SCN11A: variants seen among roughly 807,000 people sequenced by gnomAD.
The protein encoded by SCN11A is sodium channel protein type 11 subunit alpha.
In SCN11A, 122 loss-of-function variants were observed where a neutral mutation model predicts 162.2. That is an observed-to-expected ratio of 0.75 (90% CI 0.65 to 0.87). The LOEUF is 0.87. SCN11A is among the 40% of genes least tolerant of loss of function. The pLI, the probability that SCN11A is intolerant of heterozygous loss-of-function variation, is 0.00. For missense variants in SCN11A, 2,015 were observed against 2,181.6 expected, an observed-to-expected ratio of 0.92 and a Z score of 1.52; for synonymous variants, 758 against 751.5, an observed-to-expected ratio of 1.01 and a Z score of -0.14.
At chr3:38,904,292 T>C (rs544388446) in intron 15 of SCN11A, among the ~76,000 whole-genome samples, 189 bp from the exon 16 acceptor site, 1 of 152,276 alleles carries the variant, frequency 6.6e-6, no homozygotes, top group African/African-American at 2.4e-5. Flanking sequence ...ATGTTCCACA[T>C]ACAACTAGCA....
chr3:39,032,263 A>G (rs572595899), intron 2 of SCN11A, among the ~76,000 whole-genome samples, 117 bp downstream of exon 2: 1 of 152,340 alleles, frequency 6.6e-6, no homozygotes, highest in Admixed American at 6.5e-5. Context: ...TTAACATATT[A>G]ATCACTAACA....
At chr3:38,913,492 A>C (rs1331267046) in intron 11 of SCN11A, among the ~76,000 whole-genome samples, 1 of 151,938 alleles carries the variant, frequency 6.6e-6, no homozygotes, top group Non-Finnish European at 1.5e-5. Flanking sequence ...AGAAGCTCTT[A>C]AGTTTAGTTA....
Position 38,974,418 on chromosome 3 carries a change from G to A in SCN11A, c.-279-13995C>T, listed in dbSNP as rs140525870. Among the ~76,000 whole-genome samples the A allele has an allele frequency of 1.3e-3, 193 of 152,012 alleles. 4 individuals are homozygous for A. In the East Asian group the frequency reaches 0.036, roughly 28 times the overall value. ...AATTAAGAAGGCCTAATTCAAGGCC[G>A]GGCGCAGTGGCTCATGCCTATAATC... On this transcript the variant is annotated intron_variant, in intron 2 of 29. Transcript: ENST00000302328.
chr3:39,012,552 C>T (rs2031176638), intron 2 of SCN11A, among the ~76,000 whole-genome samples: 1 of 147,486 alleles, frequency 6.8e-6, no homozygotes, highest in Non-Finnish European at 1.5e-5. Context: ...GCTATCTTGG[C>T]TCACTGAAGG....
At chr3:38,873,391 G>C (rs1159048705) in intron 23 of SCN11A, among the ~76,000 whole-genome samples, 4 of 152,146 alleles carry the variant, frequency 2.6e-5, no homozygotes, top group Non-Finnish European at 4.4e-5. Flanking sequence ...CCTCATTGTA[G>C]TAGTGAAGAG....
chr3:38,962,813 A>T (rs1186328295), intron 2 of SCN11A, among the ~76,000 whole-genome samples: 1 of 152,070 alleles, frequency 6.6e-6, no homozygotes, highest in Non-Finnish European at 1.5e-5. Context: ...ATGCCACTTC[A>T]CTCAAGCCTG....
chr3:38,863,139 G>T (rs2064990552), intron 28 of SCN11A, 56 bp downstream of exon 28: 2 of 1,026,218 alleles, frequency 1.9e-6, no homozygotes, highest in Non-Finnish European at 3.1e-6. Context: ...GGAAATTTGA[G>T]TTCCTCACAG....
chr3:38,861,312 A>T (rs569201550), intron 28 of SCN11A, among the ~76,000 whole-genome samples: 110 of 152,250 alleles, frequency 7.2e-4, no homozygotes, highest in African/African-American at 2.6e-3. Context: ...AAATGACCAT[A>T]CTGTCAAAAG....
Position 38,850,592 on chromosome 3 carries a change from C to A in SCN11A, c.4216G>T (p.Val1406Leu). The A allele has an allele frequency of 3.1e-6, 5 of 1,613,904 alleles. No homozygotes were observed. The highest frequency in any genetic ancestry group is 4.2e-6 in the Non-Finnish European group (5 of 1,179,900). Residue 1406 changes from valine to leucine, a missense_variant, in exon 29 of 30, where the codon GTG becomes TTG. Val to Leu is a conservative substitution (Grantham distance 32). Coordinates refer to ENST00000302328, the MANE Select transcript of SCN11A (RefSeq NM_001349253.2). Reference sequence around the variant, plus strand: ...AGACATTCTAACGTAAAGATGACCACAAAGACCCAGTTGAGATGGTCAAGG... The same window carrying A: ...AGACATTCTAACGTAAAGATGACCAAAAAGACCCAGTTGAGATGGTCAAGG... The part of the protein sequence containing the change: ...SILDHLNWVF[V>L]VIFTLECLIK...
In SCN11A at chr3:38,900,029, A is replaced by G. The variant is rs2126121068; in HGVS notation, c.1887T>C (p.Ile629=). The change falls in exon 17 of 30, where the codon ATT becomes ATC. Residue 629 remains isoleucine (I), a synonymous_variant. Coordinates refer to ENST00000302328, the MANE Select transcript of SCN11A (RefSeq NM_001349253.2). ...IFIAEMCLKI[I]ALDPYHYFRR... is the part of the protein sequence containing the mutation. ...GAAAGTAGTGGTAGGGATCGAGCGC[A>G]ATGATTTTTAGGCACATTTCTGCTA... 4 of 1,614,148 alleles carry G rather than the reference A, an allele frequency of 2.5e-6. No individual in the cohort carries two copies. Among genetic ancestry groups the G allele is most frequent in the Non-Finnish European group, 1.7e-6 (2 of 1,179,986 alleles).
At chr3:38,925,788 A>C (rs2066130961) in intron 8 of SCN11A, among the ~76,000 whole-genome samples, 2 of 152,224 alleles carry the variant, frequency 1.3e-5, no homozygotes, top group Admixed American at 1.3e-4. Context: ...ATCCATGAAT[A>C]ATAGAAGTCC....
At position 38,872,234 on chromosome 3, in the gene SCN11A, G is replaced by A; in HGVS notation, c.3454C>T (p.Leu1152=). The stretch of plus-strand genomic sequence containing the variant: ...TGGGACAGCGCACGAAGAGGCCTCA[G>A]TGCTCGTAGAGTCCGGAAGGACTTC... The part of the protein sequence containing the change: ...ELKSFRTLRA[L]RPLRALSQFE... Residue 1152 remains leucine, a synonymous_variant, in exon 24 of 30, where the codon CTG becomes TTG. Transcript: ENST00000302328. 1 of 1,611,582 alleles carries A rather than the reference G, an allele frequency of 6.2e-7. No homozygotes were observed. Among genetic ancestry groups the A allele is most frequent in the Non-Finnish European group, 8.5e-7 (1 of 1,177,838 alleles).
chr3:38,930,947 C>T (rs189605623), intron 7 of SCN11A, among the ~76,000 whole-genome samples: 1 of 152,240 alleles, frequency 6.6e-6, no homozygotes, highest in Non-Finnish European at 1.5e-5. Flanking sequence ...AGCAAATTAC[C>T]TTCCCATAAT....
chr3:38,915,178 G>A (rs554110374), intron 11 of SCN11A, among the ~76,000 whole-genome samples: 9 of 152,156 alleles, frequency 5.9e-5, no homozygotes, highest in African/African-American at 2.2e-4. Flanking sequence ...CAGGGAATCA[G>A]TTTCTTCCCA....
At chr3:38,852,782 G>C (rs1234796523) in intron 28 of SCN11A, among the ~76,000 whole-genome samples, 1 of 152,190 alleles carries the variant, frequency 6.6e-6, no homozygotes, top group Non-Finnish European at 1.5e-5. Flanking sequence ...ATAAAGTTGT[G>C]GGTCAATGGC....
At chr3:38,902,258 G>A (rs28660986) in intron 16 of SCN11A, among the ~76,000 whole-genome samples, 10,245 of 152,228 alleles carry the variant, frequency 0.067, 1,102 homozygotes, top group African/African-American at 0.23. Context: ...GAGGATAGCT[G>A]AATACATGGC....
chr3:39,029,951 T>C (rs2031705642), intron 2 of SCN11A, among the ~76,000 whole-genome samples: 1 of 152,218 alleles, frequency 6.6e-6, no homozygotes, highest in Admixed American at 6.5e-5. Context: ...AGATGATTTG[T>C]TCAGACATTA....
At chr3:38,995,803 A>ATCTATCTATTTATCTG (rs1553648574) in intron 2 of SCN11A, among the ~76,000 whole-genome samples, 19 of 135,254 alleles carry the variant, frequency 1.4e-4, no homozygotes, top group African/African-American at 5.3e-4. Context: ...TAAATTGTCT[A>ATCTATCTATTTATCTG]TCTATCTATC....
rs140576269 is a variant in SCN11A at position 38,894,593 on chromosome 3, G to A, written c.2775C>T (p.Asp925=). The A allele has an allele frequency of 6.4e-5, 104 of 1,613,952 alleles. 1 individual carries two copies. In the Admixed American group the frequency reaches 1.3e-3, roughly 20 times the overall value. The change falls in exon 19 of 30, where the codon GAC becomes GAT. Residue 925 remains aspartate (D), a synonymous_variant. Transcript: ENST00000302328. ...CATTATCTTCACCAGAAAATTCAAC[G>A]TCATCTTCCTCCTCCGCAAGTGGTG... The part of the protein sequence containing the change: ...WLAPLAEEED[D]VEFSGEDNAQ...
Sources: gnomAD v4.1 joint callset for allele counts (sites outside exome capture counted in the v4.1 genomes callset) on GRCh38, gnomAD v4.1.1 for gene constraint, MANE v1.5 for transcripts, NCBI Gene and HGNC (gene_info 2026-07-23, HGNC 2026-07-21) for gene names.